Variants in ACYP1 observed in about 807,000 individuals in gnomAD.
ACYP1 encodes acylphosphatase-1.
In ACYP1, 8 loss-of-function variants were observed where a neutral mutation model predicts 10.4. That is an observed-to-expected ratio of 0.77 (90% CI 0.45 to 1.38). The LOEUF (loss-of-function observed/expected upper bound fraction) is 1.38. ACYP1 is among the 40% of genes most tolerant of loss of function. The probability of loss-of-function intolerance (pLI) is 0.00; values close to 1 mark genes in which losing one functional copy is unlikely to be tolerated. For missense variants in ACYP1, 93 were observed against 117.3 expected (o/e 0.79, Z 0.96); for synonymous variants, 38 against 40.8 (o/e 0.93, Z 0.26).
At chr14:75,063,185 G>A (rs1893070707) in intron 2 of ACYP1, 2 of 393,692 alleles carry the variant, frequency 5.1e-6, no homozygotes, top group South Asian at 3.1e-5. Flanking sequence ...CCACAACGGC[G>A]AGCACTGGGG....
In ACYP1 at chr14:75,064,008, G is replaced by C. The variant is rs1416392540; in HGVS notation, c.-63C>G. ...ATCACTCCGGGACCACCACGCCAACGGCTCACCAAGGCGCGCAAACCTCCG... is the reference window on the plus strand; with the variant it reads ...ATCACTCCGGGACCACCACGCCAACCGCTCACCAAGGCGCGCAAACCTCCG... On this transcript the variant is annotated 5_prime_UTR_variant, in exon 1 of 3. Coordinates refer to ENST00000238618, the MANE Select transcript of ACYP1 (RefSeq NM_001107.5). 5.1e-6 allele frequency: 5 copies of C among 988,832 alleles called. No homozygotes were observed. The African/African-American group carries it at 8.7e-5, about 17-fold the overall frequency. The allele number at this position is 988,832 out of a possible 1,614,324, so 61.3% of individuals were successfully genotyped here. A position where few individuals can be genotyped will look rare whatever the true frequency, so the allele number is the denominator to read the frequency against.
chr14:75,066,582 T>A (rs1241051523), upstream of ACYP1, among the ~76,000 whole-genome samples: 1 of 152,142 alleles, frequency 6.6e-6, no homozygotes, highest in African/African-American at 2.4e-5. Context: ...GTAAACTCAA[T>A]AGGCCAGGCG....
chr14:75,066,501 G>A (rs531353053), upstream of ACYP1, among the ~76,000 whole-genome samples: 2 of 152,238 alleles, frequency 1.3e-5, no homozygotes, highest in East Asian at 3.9e-4. Context: ...ATCCCAAGGA[G>A]AAGTGAGGAA....
intron 2 of ACYP1, among the ~76,000 whole-genome samples, chr14:75,057,231 T>A (rs1326438469): frequency 6.6e-6 from 1 of 151,496 alleles, no homozygotes; most frequent in African/African-American, 2.4e-5. Context: ...AAAATGAAAT[T>A]AGGAAACAAT....
At chr14:75,057,986 A>AAAAC (rs1391197471) in intron 2 of ACYP1, among the ~76,000 whole-genome samples, 1 of 148,004 alleles carries the variant, frequency 6.8e-6, no homozygotes, top group Non-Finnish European at 1.5e-5. Context: ...AAAAAAAAAA[A>AAAAC]AAGAACTACC....
intron 2 of ACYP1, among the ~76,000 whole-genome samples, chr14:75,060,917 G>A (rs175508): frequency 0.52 from 79,431 of 151,858 alleles, 21,506 homozygotes; most frequent in African/African-American, 0.62. Context: ...AAATACAAAA[G>A]TTAACTGGGC....
upstream of ACYP1, among the ~76,000 whole-genome samples, chr14:75,066,454 T>A (rs1278360988): frequency 1.3e-5 from 2 of 152,044 alleles, no homozygotes; most frequent in Non-Finnish European, 2.9e-5. Context: ...GAAGAGCAGA[T>A]ATTGAAGGCA....
intron 2 of ACYP1, among the ~76,000 whole-genome samples, chr14:75,057,159 T>C (rs1008509954): frequency 6.6e-6 from 1 of 151,586 alleles, no homozygotes; most frequent in East Asian, 1.9e-4. Context: ...CACAAGGTTG[T>C]AGGATATAAG....
chr14:75,068,330 A>C (rs574314875), upstream of ACYP1, among the ~76,000 whole-genome samples: 24 of 152,258 alleles, frequency 1.6e-4, no homozygotes, highest in East Asian at 3.3e-3. Flanking sequence ...AAAAAACCCC[A>C]AAAACCAACA....
upstream of ACYP1, among the ~76,000 whole-genome samples, chr14:75,068,383 T>C (rs995813067): frequency 6.6e-6 from 1 of 152,076 alleles, no homozygotes; most frequent in Admixed American, 6.6e-5. Context: ...GGTAAAGTGA[T>C]GGAGTCAATT....
intron 2 of ACYP1, among the ~76,000 whole-genome samples, chr14:75,059,662 G>A (rs567804669): frequency 8.1e-4 from 124 of 152,206 alleles, no homozygotes; most frequent in Admixed American, 3.1e-3. Flanking sequence ...CTTCAAAGCA[G>A]ACATAAAATA....
chr14:75,063,538 T>C lies in ACYP1; in HGVS notation c.16A>G (p.Thr6Ala). The change falls in exon 2 of 3, where the codon ACC becomes GCC. Residue 6 changes from threonine (T) to alanine (A), a missense_variant. Transcript: ENST00000238618. ...ATTTCATAATCCACTGATATCAGGG[T>C]GTTTCCTTCTGCCATGCTCAAACCT... MAEGNTLISVDYEIFG... is the reference protein window; with the variant it reads MAEGNALISVDYEIFG... 1.2e-6 allele frequency: 2 copies of C among 1,613,548 alleles called. No individual in the cohort carries two copies. Among genetic ancestry groups the C allele is most frequent in the East Asian group, 4.5e-5 (2 of 44,872 alleles).
Position 75,053,455 on chromosome 14 carries a change from T to G in ACYP1, c.289A>C (p.Ile97Leu). The change falls in exon 3 of 3, where the codon ATT becomes CTT. Residue 97 changes from isoleucine to leucine, a missense_variant. Physicochemically the swap from Ile to Leu is conservative, Grantham distance 5. Transcript: ENST00000238618. ...TTAAATTCAGGCCATTATTTTACAA[T>G]TTGGAAGTCTGAGTAATCCAACTTC... ...ILKLDYSDFQ[I>L]VK 1 of 1,614,194 alleles carries G rather than the reference T, an allele frequency of 6.2e-7. No homozygotes were observed. Among genetic ancestry groups the G allele is most frequent in the Non-Finnish European group, 8.5e-7 (1 of 1,180,002 alleles).
At chr14:75,067,270 G>C (rs1281834766), upstream of ACYP1, among the ~76,000 whole-genome samples, 1 of 151,532 alleles carries the variant, frequency 6.6e-6, no homozygotes, top group Non-Finnish European at 1.5e-5. Context: ...TTAAATTTAG[G>C]GAGTAGATGG....
At chr14:75,063,093 T>C (rs1893068466) in intron 2 of ACYP1, 1 of 222,954 alleles carries the variant, frequency 4.5e-6, no homozygotes, top group Admixed American at 5.0e-5. Context: ...ATATGTTATA[T>C]ACATGACATC....
At chr14:75,060,470 A>G (rs1892988542) in intron 2 of ACYP1, among the ~76,000 whole-genome samples, 1 of 152,224 alleles carries the variant, frequency 6.6e-6, no homozygotes, top group Admixed American at 6.5e-5. Context: ...TGACCCAGCA[A>G]TCTACTCCTA....
upstream of ACYP1, among the ~76,000 whole-genome samples, chr14:75,067,182 T>TACACACAC (rs60274425): frequency 2.0e-5 from 3 of 147,252 alleles, no homozygotes; most frequent in African/African-American, 5.1e-5. Flanking sequence ...TGTCTGGAAC[T>TACACACAC]ACACACACAC....
upstream of ACYP1, among the ~76,000 whole-genome samples, chr14:75,068,605 A>C (rs1893206555): frequency 1.3e-5 from 2 of 152,022 alleles, no homozygotes; most frequent in Admixed American, 1.3e-4. Context: ...AATTCTGCTG[A>C]GGGAAGCTGT....
chr14:75,060,294 T>G (rs1355881402), intron 2 of ACYP1: 1 of 683,274 alleles, frequency 1.5e-6, no homozygotes, highest in Non-Finnish European at 2.6e-6. Flanking sequence ...CAATGAAATA[T>G]TACCTCATAC....
Sources: allele counts gnomAD v4.1 joint callset (sites outside exome capture counted in the v4.1 genomes callset), GRCh38; gene constraint gnomAD v4.1.1; transcripts MANE v1.5; gene names NCBI Gene and HGNC (gene_info 2026-07-23, HGNC 2026-07-21).